Variants in RASA1 observed in about 807,000 individuals in gnomAD.
The protein encoded by RASA1 is ras GTPase-activating protein 1.
RASA1 carries 25 observed loss-of-function variants against 132.2 expected under a neutral mutation model. That is an observed-to-expected ratio of 0.19 (90% confidence interval 0.14 to 0.26). The LOEUF (loss-of-function observed/expected upper bound fraction) is 0.26, where lower values mean the gene tolerates loss of function less well. RASA1 is among the 10% of genes least tolerant of loss of function. The pLI, the probability that RASA1 is intolerant of heterozygous loss-of-function variation, is 1.00. For synonymous variants in RASA1, 477 were observed against 449.9 expected, an observed-to-expected ratio of 1.06 and a Z score of -0.76; for missense variants, 964 against 1,299.2, an observed-to-expected ratio of 0.74 and a Z score of 3.97.
chr5:87,378,969 T>C (rs991359180), intron 18 of RASA1, among the ~76,000 whole-genome samples: 1 of 152,178 alleles, frequency 6.6e-6, no homozygotes, highest in East Asian at 1.9e-4. Context: ...AAAAATCTTT[T>C]TAGGATTATT....
At chr5:87,387,989 T>TATAATAA (rs1323897815) in intron 23 of RASA1, among the ~76,000 whole-genome samples, 4 of 152,324 alleles carry the variant, frequency 2.6e-5, no homozygotes, top group Middle Eastern at 3.4e-3. Context: ...TCACCACCTG[T>TATAATAA]ATAATAAGCC....
intron 1 of RASA1, among the ~76,000 whole-genome samples, chr5:87,273,052 G>A (rs1441691430): frequency 2.0e-5 from 3 of 152,140 alleles, no homozygotes; most frequent in South Asian, 2.1e-4. Context: ...CTTGTTACTC[G>A]AGTGTTCCAT....
chr5:87,362,503 T>C (rs2112456038), intron 9 of RASA1, 48 bp from the exon 10 acceptor site: 1 of 1,544,524 alleles, frequency 6.5e-7, no homozygotes, highest in Non-Finnish European at 8.9e-7. Context: ...TTTTACTTCA[T>C]TTCCATCAAG....
chr5:87,283,146 G>GT (rs1235994274), intron 1 of RASA1, among the ~76,000 whole-genome samples: 20 of 95,276 alleles, frequency 2.1e-4, no homozygotes, highest in East Asian at 1.1e-3. Context: ...TTTTTTTTTT[G>GT]TGTTTTTTTT....
At chr5:87,314,062 G>A (rs1756128924) in intron 1 of RASA1, among the ~76,000 whole-genome samples, 2 of 152,166 alleles carry the variant, frequency 1.3e-5, no homozygotes, top group Admixed American at 6.5e-5. Context: ...CCAGCTATTC[G>A]GGAGGCTGAG....
At chr5:87,338,119 C>G (rs1758107594) in intron 5 of RASA1, 28 bp downstream of exon 5, 1 of 1,610,250 alleles carries the variant, frequency 6.2e-7, no homozygotes, top group African/African-American at 1.3e-5. Context: ...CTTCTCAATT[C>G]TAGATTCTAA....
chr5:87,389,494 T>C lies in RASA1; in HGVS notation c.3027T>C (p.Leu1009=), dbSNP rs1243377848. 1 of 1,614,122 alleles carries C rather than the reference T, an allele frequency of 6.2e-7. No individual in the cohort carries two copies. Among genetic ancestry groups the C allele is most frequent in the Admixed American group, 1.7e-5 (1 of 60,012 alleles). The change falls in exon 24 of 25, where the codon CTT becomes CTC. Residue 1009 remains leucine, a synonymous_variant. Transcript: ENST00000274376. The part of the protein sequence containing the change: ...HEICVAHSDE[L]RTLSNERGAQ... The stretch of plus-strand genomic sequence containing the variant: ...TTTGCGTGGCTCATTCAGATGAACT[T>C]CGAACGCTCAGTAATGAGCGTGGTG...
chr5:87,286,158 C>G (rs905082867), intron 1 of RASA1, among the ~76,000 whole-genome samples: 6 of 152,032 alleles, frequency 3.9e-5, no homozygotes, highest in Non-Finnish European at 8.8e-5. Context: ...CGTGCCACCA[C>G]CCCTGGCTAA....
intron 23 of RASA1, among the ~76,000 whole-genome samples, chr5:87,388,028 T>C (rs963404819): frequency 3.9e-5 from 6 of 152,188 alleles, no homozygotes; most frequent in Non-Finnish European, 8.8e-5. Context: ...CCACCTCAAT[T>C]ATTATCTCCT....
intron 16 of RASA1, 121 bp from the exon 17 acceptor site, chr5:87,376,760 T>G (rs1282950423): frequency 1.6e-6 from 2 of 1,223,610 alleles, no homozygotes; most frequent in Non-Finnish European, 1.2e-6. Flanking sequence ...TTAAATAAAT[T>G]TATTCAATGG....
At chr5:87,368,701 G>A (rs1004024961) in intron 11 of RASA1, among the ~76,000 whole-genome samples, 5 of 152,114 alleles carry the variant, frequency 3.3e-5, no homozygotes, top group African/African-American at 1.2e-4. Flanking sequence ...TACTGGATTT[G>A]TAGTTAATTT....
chr5:87,319,308 C>G (rs113628931), intron 1 of RASA1, among the ~76,000 whole-genome samples: 2,688 of 152,338 alleles, frequency 0.018, 34 homozygotes, highest in Middle Eastern at 0.065. Context: ...CTAGTGGAGA[C>G]TCTCTGTGAG....
Position 87,391,086 on chromosome 5 carries a change from C to T in RASA1, c.*203C>T, listed in dbSNP as rs1762479702. 1 of 640,814 alleles carries T rather than the reference C, an allele frequency of 1.6e-6. No homozygotes were observed. Among genetic ancestry groups the T allele is most frequent in the African/African-American group, 1.8e-5 (1 of 55,090 alleles). The allele number at this position is 640,814 out of a possible 1,614,324, so 39.7% of individuals were successfully genotyped here. On this transcript the variant is annotated 3_prime_UTR_variant, in exon 25 of 25. Transcript: ENST00000274376. ...GTAAGCTATCTGTGCAGGATATTTG[C>T]ACTATTTCCACATGGAATCAATCTT...
At chr5:87,375,922 G>A (rs1761291425) in intron 15 of RASA1, among the ~76,000 whole-genome samples, 2 of 152,144 alleles carry the variant, frequency 1.3e-5, no homozygotes, top group African/African-American at 4.8e-5. Flanking sequence ...GACACAGAAC[G>A]AAGGCCATAC....
intron 1 of RASA1, among the ~76,000 whole-genome samples, chr5:87,286,434 G>C (rs533153240): frequency 1.3e-5 from 2 of 150,816 alleles, no homozygotes; most frequent in Non-Finnish European, 2.9e-5. Flanking sequence ...TTCAACCCAA[G>C]TAAAAATTAA....
chr5:87,317,006 C>G (rs941089465), intron 1 of RASA1, among the ~76,000 whole-genome samples: 3 of 152,072 alleles, frequency 2.0e-5, no homozygotes, highest in African/African-American at 7.2e-5. Flanking sequence ...CCTCAGACTC[C>G]CGAGTAGCTG....
intron 7 of RASA1, among the ~76,000 whole-genome samples, chr5:87,348,451 T>G (rs1437429719): frequency 6.6e-6 from 1 of 151,980 alleles, no homozygotes; most frequent in East Asian, 1.9e-4. Context: ...CAGAAATACT[T>G]CTCTAAAATT....
rs562415742 is a variant in RASA1 at position 87,287,080 on chromosome 5, C to T, written c.539+18090C>T. ...CCCATGTATATACACACCATATATA[C>T]ACACCATATATATACACACCATATA... On this transcript the variant is annotated intron_variant, in intron 1 of 24. Coordinates refer to ENST00000274376, the MANE Select transcript of RASA1 (RefSeq NM_002890.3). Among the ~76,000 whole-genome samples, 6 of 141,876 alleles carry T rather than the reference C, an allele frequency of 4.2e-5. No individual in the cohort carries two copies. The East Asian group carries it at 1.0e-3, about 24-fold the overall frequency. The allele number at this position is 141,876 out of a possible 152,430, so 93.1% of individuals were successfully genotyped here.
chr5:87,386,950 AT>A (rs1265084276), intron 23 of RASA1, 47 bp downstream of exon 23: 2 of 1,478,810 alleles, frequency 1.4e-6, no homozygotes, highest in African/African-American at 2.8e-5. Context: ...TCTAGTTGAT[AT>A]AGCTGAGTTA....
Sources: gnomAD v4.1 joint callset for allele counts (sites outside exome capture counted in the v4.1 genomes callset) on GRCh38, gnomAD v4.1.1 for gene constraint, MANE v1.5 for transcripts, NCBI Gene and HGNC (gene_info 2026-07-23, HGNC 2026-07-21) for gene names.